FBXO34: variants seen among roughly 807,000 people sequenced by gnomAD.
FBXO34 encodes F-box only protein 34.
FBXO34 carries 12 observed loss-of-function variants against 24.5 expected under a neutral mutation model. The observed-to-expected ratio is 0.49, with a 90% CI of 0.31 to 0.79. The LOEUF (loss-of-function observed/expected upper bound fraction) is 0.79, where lower values mean the gene tolerates loss of function less well. Among genes scored for constraint, FBXO34 ranks in the 30% least tolerant of loss-of-function variants. FBXO34 has a pLI of 0.04. For synonymous variants in FBXO34, 320 were observed against 311.9 expected (o/e 1.03, Z -0.27); for missense variants, 823 against 857.7 (o/e 0.96, Z 0.51).
chr14:55,319,764 C>T (rs1180971825), intron 1 of FBXO34, among the ~76,000 whole-genome samples: 1 of 152,210 alleles, frequency 6.6e-6, no homozygotes, highest in Non-Finnish European at 1.5e-5. Flanking sequence ...CAAGCTCTGC[C>T]TCCCGGGTTT....
At chr14:55,340,433 T>G (rs377605843) in intron 1 of FBXO34, among the ~76,000 whole-genome samples, 1 of 150,772 alleles carries the variant, frequency 6.6e-6, no homozygotes, top group East Asian at 2.0e-4. Flanking sequence ...GGGTGGTACA[T>G]AGGGAACCTC....
At chr14:55,328,062 G>C (rs191747558) in intron 1 of FBXO34, among the ~76,000 whole-genome samples, 3 of 151,022 alleles carry the variant, frequency 2.0e-5, no homozygotes, top group African/African-American at 7.3e-5. Context: ...GTTCTGCCTC[G>C]TGCCTCAGCC....
chr14:55,363,207 T>TTA (rs1555340688), downstream of FBXO34, among the ~76,000 whole-genome samples: 45 of 149,568 alleles, frequency 3.0e-4, no homozygotes, highest in Admixed American at 3.0e-3. Flanking sequence ...TTTTTTTTTT[T>TTA]AATTTCTAGT....
At chr14:55,439,352 G>C in the FBXO34 span, among the ~76,000 whole-genome samples, 1 of 151,566 alleles carries the variant, frequency 6.6e-6, no homozygotes. Context: ...CTCCACCAGA[G>C]ACTTGACTTC....
chr14:55,361,609 C>T (rs58296156), intron 3 of FBXO34: 45,860 of 152,064 alleles, frequency 0.3, 7,222 homozygotes, highest in Non-Finnish European at 0.34. Flanking sequence ...ATGGTATCTT[C>T]TTCCAATAGG....
At chr14:55,286,628 G>C (rs115838188) in intron 1 of FBXO34, among the ~76,000 whole-genome samples, 1 of 152,244 alleles carries the variant, frequency 6.6e-6, no homozygotes, top group African/African-American at 2.4e-5. Context: ...CATTTACTCT[G>C]ATAGGGTTAA....
chr14:55,324,344 A>C (rs1439480338), intron 1 of FBXO34, among the ~76,000 whole-genome samples: 2 of 152,176 alleles, frequency 1.3e-5, no homozygotes, highest in African/African-American at 4.8e-5. Context: ...ATCTCTTGGT[A>C]GACAGAAGGG....
At chr14:55,433,635 G>A in the FBXO34 span, 4 of 1,613,794 alleles carry the variant, frequency 2.5e-6, no homozygotes, top group Non-Finnish European at 3.4e-6. Flanking sequence ...CATACCTTTT[G>A]GCTCCCGTGC....
At chr14:55,398,814 G>A in the FBXO34 span, among the ~76,000 whole-genome samples, 1 of 151,662 alleles carries the variant, frequency 6.6e-6, no homozygotes, top group Non-Finnish European at 1.5e-5. Context: ...TGGCTACTGA[G>A]TGCCTAAGAT....
chr14:55,314,376 G>A (rs920270574), intron 1 of FBXO34, among the ~76,000 whole-genome samples: 3 of 152,178 alleles, frequency 2.0e-5, no homozygotes, highest in Non-Finnish European at 4.4e-5. Context: ...CTTGCAGGGG[G>A]AAACCTAATG....
intron 1 of FBXO34, among the ~76,000 whole-genome samples, chr14:55,322,607 A>G (rs905836877): frequency 2.6e-5 from 4 of 152,106 alleles, no homozygotes; most frequent in South Asian, 4.1e-4. Context: ...AAATGCTGGG[A>G]CTACAGGCAT....
the FBXO34 span, among the ~76,000 whole-genome samples, chr14:55,413,109 C>G: frequency 0.44 from 66,318 of 152,064 alleles, 15,163 homozygotes; most frequent in African/African-American, 0.57. Flanking sequence ...ATTCAGAATA[C>G]AGTTTACACT....
the FBXO34 span, among the ~76,000 whole-genome samples, chr14:55,422,745 C>T: frequency 6.6e-6 from 1 of 152,034 alleles, no homozygotes; most frequent in African/African-American, 2.4e-5. Context: ...CTCAGCTACT[C>T]AGGAGGCCGA....
intron 3 of FBXO34, among the ~76,000 whole-genome samples, chr14:55,359,482 T>C (rs1448069198): frequency 2.0e-5 from 3 of 152,222 alleles, no homozygotes; most frequent in Non-Finnish European, 4.4e-5. Flanking sequence ...TAAAAAACAA[T>C]GTACATTAAG....
intron 1 of FBXO34, among the ~76,000 whole-genome samples, chr14:55,324,611 G>C (rs891031915): frequency 2.0e-5 from 3 of 151,964 alleles, no homozygotes; most frequent in African/African-American, 7.3e-5. Context: ...AGTAATGATA[G>C]ATTTTTTTTT....
chr14:55,337,821 T>C (rs188068543), intron 1 of FBXO34, among the ~76,000 whole-genome samples: 1 of 152,298 alleles, frequency 6.6e-6, no homozygotes, highest in East Asian at 1.9e-4. Context: ...ACACATCTTA[T>C]ACTCCACTTA....
the FBXO34 span, among the ~76,000 whole-genome samples, chr14:55,439,957 C>G: frequency 2.2e-5 from 2 of 91,232 alleles, no homozygotes; most frequent in African/African-American, 4.3e-5. Context: ...AAAAATTAGC[C>G]AGGTGTGGTG....
At chr14:55,385,295 T>G in the FBXO34 span, among the ~76,000 whole-genome samples, 1 of 152,138 alleles carries the variant, frequency 6.6e-6, no homozygotes, top group African/African-American at 2.4e-5. Flanking sequence ...TCTGGTTTTT[T>G]TTTGTTTGTT....
intron 1 of FBXO34, among the ~76,000 whole-genome samples, chr14:55,289,574 GC>G (rs1225920752): frequency 6.6e-6 from 1 of 151,976 alleles, no homozygotes; most frequent in Non-Finnish European, 1.5e-5. Context: ...CTTGCTTTGT[GC>G]CCCAGGCTGG....
Sources: gnomAD v4.1 joint callset for allele counts (sites outside exome capture counted in the v4.1 genomes callset) on GRCh38, gnomAD v4.1.1 for gene constraint, MANE v1.5 for transcripts, NCBI Gene and HGNC (gene_info 2026-07-23, HGNC 2026-07-21) for gene names.